Variants in TMX2 observed in about 807,000 individuals in gnomAD.
TMX2 encodes thioredoxin related transmembrane protein 2.
In TMX2, 20 loss-of-function variants were observed where a neutral mutation model predicts 33.4. That is an observed-to-expected ratio of 0.60 (90% confidence interval 0.42 to 0.87). TMX2 has a LOEUF of 0.87. TMX2 is among the 40% of genes least tolerant of loss of function. The probability of loss-of-function intolerance (pLI) is 0.00; values close to 1 mark genes in which losing one functional copy is unlikely to be tolerated. For missense variants in TMX2, 340 were observed against 370.7 expected (o/e 0.92, Z 0.68); for synonymous variants, 166 against 140.7 (o/e 1.18, Z -1.27).
At chr11:57,723,407 C>T (rs927281977) in intron 1 of TMX2, among the ~76,000 whole-genome samples, 2 of 150,686 alleles carry the variant, frequency 1.3e-5, no homozygotes, top group South Asian at 2.1e-4. Flanking sequence ...TGCTTGAACC[C>T]GGGAGGCGGA....
At chr11:57,738,130 C>T (rs1021752405) in intron 3 of TMX2, 104 bp downstream of exon 3, 1 of 906,144 alleles carries the variant, frequency 1.1e-6, no homozygotes, top group Admixed American at 2.4e-5. Context: ...AAACATGTTT[C>T]TCCATACCCT....
intron 5 of TMX2, 46 bp from the exon 6 acceptor site, chr11:57,738,928 G>A: frequency 6.3e-7 from 1 of 1,589,210 alleles, no homozygotes; most frequent in Non-Finnish European, 8.6e-7. Context: ...CACTTTCCTT[G>A]ATCCATTATT....
Position 57,737,669 on chromosome 11 carries a change from G to A in TMX2, c.250+1G>A. The A allele has an allele frequency of 6.2e-7, 1 of 1,613,900 alleles. No homozygotes were observed. The highest frequency in any genetic ancestry group is 1.3e-5 in the African/African-American group (1 of 75,062). ...GTGATGATGAAGAACCGCAGATCCA[G>A]TAAGTTTAGTTCACTTCTCAGACTC... On this transcript the variant is annotated splice_donor_variant, in intron 2 of 7. Coordinates refer to ENST00000278422, the MANE Select transcript of TMX2 (RefSeq NM_015959.4). LOFTEE classifies it high-confidence loss of function.
At chr11:57,734,431 G>C (rs185257968) in intron 1 of TMX2, among the ~76,000 whole-genome samples, 99 of 152,204 alleles carry the variant, frequency 6.5e-4, no homozygotes, top group African/African-American at 2.0e-3. Flanking sequence ...TTGGTCCCCT[G>C]GTTAACTACA....
chr11:57,729,492 A>G (rs1347574476), intron 1 of TMX2, among the ~76,000 whole-genome samples: 2 of 152,144 alleles, frequency 1.3e-5, no homozygotes, highest in Non-Finnish European at 2.9e-5. Flanking sequence ...TTTATAATAG[A>G]CTTATATAAT....
chr11:57,728,254 C>T (rs1481411550), intron 1 of TMX2, among the ~76,000 whole-genome samples: 4 of 152,098 alleles, frequency 2.6e-5, no homozygotes, highest in East Asian at 1.9e-4. Flanking sequence ...GCTCCGCCTT[C>T]CGGGTTCACG....
chr11:57,726,620 G>T (rs1347172172), intron 1 of TMX2, among the ~76,000 whole-genome samples: 1 of 152,150 alleles, frequency 6.6e-6, no homozygotes, highest in Non-Finnish European at 1.5e-5. Context: ...AAAAAACACT[G>T]TAGAATTATA....
chr11:57,729,337 CTGCT>C (rs1027720346), intron 1 of TMX2, among the ~76,000 whole-genome samples: 2 of 151,888 alleles, frequency 1.3e-5, no homozygotes, highest in Non-Finnish European at 2.9e-5. Context: ...TTTTTTCTGC[CTGCT>C]TTAGATCGGC....
At chr11:57,740,009 C>T (rs1470291987) in intron 7 of TMX2, 90 bp from the exon 8 acceptor site, 3 of 1,582,114 alleles carry the variant, frequency 1.9e-6, no homozygotes, top group Non-Finnish European at 2.6e-6. Context: ...TCCTTCCTTT[C>T]CCAGACTTTG....
intron 1 of TMX2, among the ~76,000 whole-genome samples, chr11:57,734,222 A>G (rs1197506107): frequency 6.6e-6 from 1 of 150,888 alleles, no homozygotes; most frequent in East Asian, 2.0e-4. Flanking sequence ...TAACTGCCTG[A>G]ACCCAGAAGT....
rs369396061 is a variant in TMX2, at chr11:57,718,230, A to G, written c.189+5423A>G. 2.3e-5 allele frequency: 33 copies of G among 1,466,156 alleles called. No individual in the cohort carries two copies. In the African/African-American group the frequency reaches 3.7e-4, roughly 17 times the overall value. The allele number at this position is 1,466,156 out of a possible 1,614,324, so 90.8% of individuals were successfully genotyped here. A position where few individuals can be genotyped will look rare whatever the true frequency, so the allele number is the denominator to read the frequency against. ...GGAACCTTTTGTGTTGGGTCCAGCA[A>G]TTGCCATGGACAAGGTGCCAGGACC... is the stretch of plus-strand genomic sequence containing the variant. On this transcript the variant is annotated intron_variant, in intron 1 of 7. Coordinates refer to ENST00000278422, the MANE Select transcript of TMX2 (RefSeq NM_015959.4).
intron 3 of TMX2, 83 bp downstream of exon 3, chr11:57,738,109 G>C: frequency 9.0e-7 from 1 of 1,112,186 alleles, no homozygotes; most frequent in South Asian, 1.5e-5. Flanking sequence ...AGTCCCAACA[G>C]TTGCAATCCC....
At chr11:57,721,883 G>A (rs953284242) in intron 1 of TMX2, among the ~76,000 whole-genome samples, 4 of 152,078 alleles carry the variant, frequency 2.6e-5, no homozygotes, top group African/African-American at 9.7e-5. Context: ...ATTAATTTGA[G>A]ACACCAGCTA....
chr11:57,733,085 T>C (rs1223083860), intron 1 of TMX2, among the ~76,000 whole-genome samples: 1 of 152,082 alleles, frequency 6.6e-6, no homozygotes, highest in Middle Eastern at 3.2e-3. Flanking sequence ...AATAAAAATA[T>C]GGTATTATAA....
chr11:57,719,226 G>A (rs1488670299), intron 1 of TMX2, among the ~76,000 whole-genome samples: 1 of 150,376 alleles, frequency 6.6e-6, no homozygotes, highest in Non-Finnish European at 1.5e-5. Context: ...TAGTAGAGAC[G>A]GGTTTTCACC....
At chr11:57,737,800 T>C in intron 2 of TMX2, 113 bp from the exon 3 acceptor site, 1 of 1,601,776 alleles carries the variant, frequency 6.2e-7, no homozygotes, top group Non-Finnish European at 8.5e-7. Flanking sequence ...AATTTGAACT[T>C]GGACTTCTAT....
chr11:57,730,706 C>T (rs562918128), intron 1 of TMX2, among the ~76,000 whole-genome samples: 6 of 152,266 alleles, frequency 3.9e-5, no homozygotes, highest in Non-Finnish European at 2.9e-5. Flanking sequence ...CCATTGCACT[C>T]CAGCCTGGGC....
intron 1 of TMX2, among the ~76,000 whole-genome samples, chr11:57,716,498 A>C (rs1590902693): frequency 9.5e-6 from 1 of 105,392 alleles, no homozygotes; most frequent in African/African-American, 3.8e-5. Flanking sequence ...GGGGCTCCTC[A>C]CTTCCCAGTA....
intron 1 of TMX2, among the ~76,000 whole-genome samples, chr11:57,713,622 AC>A (rs1946783928): frequency 6.6e-6 from 1 of 152,188 alleles, no homozygotes; most frequent in Non-Finnish European, 1.5e-5. Flanking sequence ...AAATCAACCG[AC>A]AAAGGGCACA....
Sources: allele counts gnomAD v4.1 joint callset (sites outside exome capture counted in the v4.1 genomes callset), GRCh38; gene constraint gnomAD v4.1.1; transcripts MANE v1.5; gene names NCBI Gene and HGNC (gene_info 2026-07-23, HGNC 2026-07-21).